CCDC74B: variants seen among roughly 807,000 people sequenced by gnomAD.
The protein encoded by CCDC74B is coiled-coil domain containing 74B, also known as coiled-coil domain-containing protein 74B.
In CCDC74B, 34 loss-of-function variants were observed where a neutral mutation model predicts 38.0. The observed-to-expected ratio is 0.89, with a 90% confidence interval of 0.68 to 1.19. The LOEUF (loss-of-function observed/expected upper bound fraction) is 1.19. Among genes scored for constraint, CCDC74B ranks in the 50% most tolerant of loss-of-function variants. The pLI, the probability that CCDC74B is intolerant of heterozygous loss-of-function variation, is 0.00. For synonymous variants in CCDC74B, 132 were observed against 170.4 expected (o/e 0.77, Z 1.76); for missense variants, 358 against 406.0 (o/e 0.88, Z 1.02).
At chr2:130,144,641 C>G in intron 1 of CCDC74B, 106 bp downstream of exon 1, 1 of 1,548,210 alleles carries the variant, frequency 6.5e-7, no homozygotes, top group South Asian at 1.2e-5. Context: ...TCCCCCTGAG[C>G]CCAGGCGTGT....
chr2:130,145,041 C>A lies in CCDC74B; in HGVS notation c.-45G>T, dbSNP rs1199937581. On this transcript the variant is annotated 5_prime_UTR_variant, in exon 1 of 8. Transcript: ENST00000409943. ...CTCCCGCTGCCACTGCACCCCGGCT[C>A]AGTGGCCAGGCCGCCCTAGCCTGGC... 1.1e-5 allele frequency: 16 copies of A among 1,407,674 alleles called. No homozygotes were observed. In the South Asian group the frequency reaches 2.5e-4, roughly 22 times the overall value. The allele number at this position is 1,407,674 out of a possible 1,614,324, so 87.2% of individuals were successfully genotyped here. A position where few individuals can be genotyped will look rare whatever the true frequency, so the allele number is the denominator to read the frequency against.
At chr2:130,142,993 C>T (rs536809439) in intron 2 of CCDC74B, 12 of 1,502,970 alleles carry the variant, frequency 8.0e-6, no homozygotes, top group Admixed American at 4.3e-5. Context: ...TTCAGCTCTA[C>T]TTGGAGGAGG....
intron 2 of CCDC74B, 153 bp downstream of exon 2, chr2:130,143,116 T>C (rs1161785310): frequency 4.6e-6 from 7 of 1,509,110 alleles, no homozygotes; most frequent in Non-Finnish European, 5.3e-6. Flanking sequence ...CAGCCACGGC[T>C]AGAGGTAGCG....
In CCDC74B at chr2:130,141,149, A is replaced by C. The variant is rs1172058939; in HGVS notation, c.485+9T>G. On this transcript the variant is annotated intron_variant, in intron 4 of 7. Transcript: ENST00000409943. ...CTGCCCTTGCACCCCAGGAACACCC[A>C]AGCCTTACCTGGCCTGCCCTTGTAC... The C allele has an allele frequency of 1.2e-6, 2 of 1,612,412 alleles. No individual in the cohort carries two copies. Among genetic ancestry groups the C allele is most frequent in the Non-Finnish European group, 1.7e-6 (2 of 1,179,172 alleles).
rs1295506877 is a variant in CCDC74B at position 130,144,997 on chromosome 2, A to G, written c.-1T>C. The G allele has an allele frequency of 2.1e-6, 3 of 1,443,510 alleles. No homozygotes were observed. The highest frequency in any genetic ancestry group is 2.7e-6 in the Non-Finnish European group (3 of 1,097,088). 89.4% of individuals were successfully genotyped at this position (1,443,510 alleles called of 1,614,324 possible). On this transcript the variant is annotated 5_prime_UTR_variant, in exon 1 of 8. Transcript: ENST00000409943. ...CAGCCGCCACCCCCGCACCGCTCAT[A>G]TCGCCATCGCCAGGTACTCTCCCGC...
At chr2:130,143,123 A>G in intron 2 of CCDC74B, 146 bp downstream of exon 2, 1 of 1,515,390 alleles carries the variant, frequency 6.6e-7, no homozygotes, top group Non-Finnish European at 8.8e-7. Flanking sequence ...GGCTAGAGGT[A>G]GCGGCATCTG....
chr2:130,140,450 G>A, intron 4 of CCDC74B, 79 bp from the exon 5 acceptor site: 1 of 1,467,994 alleles, frequency 6.8e-7, no homozygotes, highest in South Asian at 1.4e-5. Flanking sequence ...TCCCCAGGCA[G>A]CGCCCAGGCC....
chr2:130,145,094 G>C lies in CCDC74B; in HGVS notation c.-98C>G, dbSNP rs1398080888. On this transcript the variant is annotated 5_prime_UTR_variant, in exon 1 of 8. Transcript: ENST00000409943. ...CCCGTCACCATGGAAACCGGGCGAC[G>C]GAGGGCGCCAGGCGTTTGGCGGGGG... 1 of 1,401,300 alleles carries C rather than the reference G, an allele frequency of 7.1e-7. No individual in the cohort carries two copies. Among genetic ancestry groups the C allele is most frequent in the Non-Finnish European group, 9.3e-7 (1 of 1,079,488 alleles). The allele number at this position is 1,401,300 out of a possible 1,614,324, so 86.8% of individuals were successfully genotyped here.
At chr2:130,140,418 C>T in intron 4 of CCDC74B, 47 bp from the exon 5 acceptor site, 1 of 1,509,742 alleles carries the variant, frequency 6.6e-7, no homozygotes, top group Non-Finnish European at 8.9e-7. Flanking sequence ...CCAGGTGCGT[C>T]TAACCACCCA....
At chr2:130,142,024 G>A in intron 3 of CCDC74B, 109 bp downstream of exon 3, 7 of 1,508,020 alleles carry the variant, frequency 4.6e-6, no homozygotes, top group African/African-American at 1.4e-5. Context: ...CCCAAATCCT[G>A]GAGCTTGGCC....
In CCDC74B at chr2:130,139,684, A is replaced by C; in HGVS notation, c.816T>G (p.Leu272=). Residue 272 remains leucine (L), a synonymous_variant, in exon 8 of 8, where the codon CTT becomes CTG. Coordinates refer to ENST00000409943, the MANE Select transcript of CCDC74B (RefSeq NM_001258307.2). ...STKSLSKKCL[L]LSPPVAERAI... is the part of the protein sequence containing the mutation. ...CACGCTCCGCCACAGGTGGGCTCAG[A>C]AGCAGGCTGGGGGCGGGTAGAGGGA... 6.2e-7 allele frequency: 1 copy of C among 1,612,928 alleles called. No homozygotes were observed. The highest frequency in any genetic ancestry group is 2.2e-5 in the East Asian group (1 of 44,874).
Position 130,145,071 on chromosome 2 carries a change from C to T in CCDC74B, c.-75G>A. ...GCCAGGCCGCCCTAGCCTGGCGCCC[C>T]GTCACCATGGAAACCGGGCGACGGA... On this transcript the variant is annotated 5_prime_UTR_variant, in exon 1 of 8. Coordinates refer to ENST00000409943, the MANE Select transcript of CCDC74B (RefSeq NM_001258307.2). The T allele has an allele frequency of 7.9e-6, 11 of 1,397,240 alleles. No individual in the cohort carries two copies. The highest frequency in any genetic ancestry group is 6.5e-5 in the South Asian group (4 of 61,842). The allele number at this position is 1,397,240 out of a possible 1,614,324, so 86.6% of individuals were successfully genotyped here.
chr2:130,139,892 A>G lies in CCDC74B; in HGVS notation c.808T>C (p.Cys270Arg), dbSNP rs373709374. Residue 270 changes from cysteine to arginine, a missense_variant and splice_region_variant, in exon 7 of 8, where the codon TGC becomes CGC. This residue lies in a region of CCDC74B where 213 missense variants were observed against 212.3 expected (regional missense o/e 1.00). Transcript: ENST00000409943. ...KVSTKSLSKK[C>R]LLLSPPVAER... ...TGTCCCCATGCCTGTGGGACTTACC[A>G]TTTCTTGGAGAGGCTCTTGGTGGAG... The G allele has an allele frequency of 3.1e-6, 5 of 1,610,570 alleles. No homozygotes were observed. Among genetic ancestry groups the G allele is most frequent in the Non-Finnish European group, 4.2e-6 (5 of 1,178,710 alleles).
chr2:130,144,404 G>A, intron 1 of CCDC74B: 1 of 1,110,308 alleles, frequency 9.0e-7, no homozygotes, highest in Non-Finnish European at 1.3e-6. Context: ...CTCCCAAAGT[G>A]CTGGAATTAC....
intron 3 of CCDC74B, chr2:130,141,789 C>G (rs1263209194): frequency 1.3e-4 from 58 of 436,600 alleles, no homozygotes; most frequent in Non-Finnish European, 2.2e-4. Flanking sequence ...GTCCTGCCTG[C>G]TTGTGGCGGG....
At chr2:130,143,730 C>G (rs10202140) in intron 1 of CCDC74B, among the ~76,000 whole-genome samples, 143,433 of 151,832 alleles carry the variant, frequency 0.94, 67,848 homozygotes, top group East Asian at 0.98. Context: ...CATGGGGAAG[C>G]GGGGTCCTGA....
intron 1 of CCDC74B, 134 bp downstream of exon 1, chr2:130,144,613 G>A (rs754788502): frequency 5.8e-6 from 9 of 1,542,712 alleles, no homozygotes; most frequent in South Asian, 1.2e-5. Flanking sequence ...GTGGCAGGGC[G>A]GGCTTACCGT....
Position 130,140,324 on chromosome 2 carries a change from T to C in CCDC74B, c.533A>G (p.Asn178Ser). Residue 178 changes from asparagine to serine, a missense_variant, in exon 5 of 8, where the codon AAC (asparagine) becomes AGC (serine). By Grantham distance (46) the Asn-to-Ser change is conservative (BLOSUM62 1). This residue lies in a region of CCDC74B where 213 missense variants were observed against 212.3 expected (regional missense o/e 1.00). Transcript: ENST00000409943. Reference sequence around the variant, plus strand: ...CATCTGCCTGCCCTGGTGCTGGCTGTTCCCCATACAGGCAGCTCCTGCGTT... The same window carrying C: ...CATCTGCCTGCCCTGGTGCTGGCTGCTCCCCATACAGGCAGCTCCTGCGTT... ...ASNAGAACMG[N>S]SQHQGRQMGA... is the part of the protein sequence containing the mutation. The C allele has an allele frequency of 6.2e-7, 1 of 1,610,572 alleles. No individual in the cohort carries two copies. Among genetic ancestry groups the C allele is most frequent in the Non-Finnish European group, 8.5e-7 (1 of 1,178,448 alleles).
chr2:130,140,032 C>T lies in CCDC74B; in HGVS notation c.743G>A (p.Ser248Asn). Residue 248 changes from serine (S) to asparagine (N), a missense_variant, in exon 6 of 8, where the codon AGC becomes AAC. Coordinates refer to ENST00000409943, the MANE Select transcript of CCDC74B (RefSeq NM_001258307.2). ...TGCACCAGGCACTCACCTGGGAAAG[C>T]TAGCTTCCTCCGGGACTGCCTGGGG... is the stretch of plus-strand genomic sequence containing the variant. Reference protein sequence around the residue: ...QRPQAVPEEASFPRDQEATHF... With the variant: ...QRPQAVPEEANFPRDQEATHF... 1 of 1,606,682 alleles carries T rather than the reference C, an allele frequency of 6.2e-7. No individual in the cohort carries two copies. Among genetic ancestry groups the T allele is most frequent in the South Asian group, 1.1e-5 (1 of 89,992 alleles).
Sources: allele counts gnomAD v4.1 joint callset (sites outside exome capture counted in the v4.1 genomes callset), GRCh38; gene constraint gnomAD v4.1.1; regional missense constraint gnomAD v4.1.1; transcripts MANE v1.5; gene names NCBI Gene and HGNC (gene_info 2026-07-23, HGNC 2026-07-21).